The following ITCH variants were observed in gnomAD, a reference collection of about 807,000 sequenced individuals.
The protein encoded by ITCH is itchy E3 ubiquitin protein ligase.
In ITCH, 28 loss-of-function variants were observed where a neutral mutation model predicts 126.8. The observed-to-expected ratio is 0.22, with a 90% confidence interval of 0.16 to 0.30. The LOEUF is 0.30. ITCH is among the 10% of genes least tolerant of loss of function. The probability of loss-of-function intolerance (pLI) is 1.00; values close to 1 mark genes in which losing one functional copy is unlikely to be tolerated. For synonymous variants in ITCH, 342 were observed against 340.0 expected, an observed-to-expected ratio of 1.01 and a Z score of -0.06; for missense variants, 631 against 1,032.4, an observed-to-expected ratio of 0.61 and a Z score of 5.33.
intron 17 of ITCH, 87 bp from the exon 18 acceptor site, chr20:34,479,543 A>G (rs1040329028): frequency 1.1e-5 from 12 of 1,070,502 alleles, no homozygotes; most frequent in South Asian, 2.6e-5. Flanking sequence ...GCTGAGGGGT[A>G]TAGATCCCTG....
At chr20:34,454,201 G>A (rs1450498607) in intron 12 of ITCH, among the ~76,000 whole-genome samples, 3 of 148,740 alleles carry the variant, frequency 2.0e-5, no homozygotes, top group Admixed American at 1.3e-4. Context: ...GCAGTGGCGC[G>A]ATCTCGGCTC....
chr20:34,428,020 A>G (rs1409204153), intron 7 of ITCH, among the ~76,000 whole-genome samples: 4 of 152,200 alleles, frequency 2.6e-5, no homozygotes, highest in Non-Finnish European at 5.9e-5. Flanking sequence ...AATCATTGTC[A>G]TAAATAATTT....
At chr20:34,507,651 C>G (rs1195375992) in intron 24 of ITCH, 44 bp from the exon 25 acceptor site, 1 of 1,451,788 alleles carries the variant, frequency 6.9e-7, no homozygotes, top group Admixed American at 1.7e-5. Context: ...TCATTTGATT[C>G]TTTGCATATT....
intron 22 of ITCH, 66 bp from the exon 23 acceptor site, chr20:34,492,431 TTTTC>T: frequency 2.0e-6 from 2 of 1,010,150 alleles, no homozygotes; most frequent in Non-Finnish European, 1.5e-6. Flanking sequence ...AAATCATTAT[TTTTC>T]TTTCTTGTTT....
At chr20:34,436,059 C>T (rs1471403456) in intron 7 of ITCH, among the ~76,000 whole-genome samples, 1 of 152,120 alleles carries the variant, frequency 6.6e-6, no homozygotes, top group Non-Finnish European at 1.5e-5. Flanking sequence ...TAAGGGTGTA[C>T]AGCATTGATG....
intron 2 of ITCH, among the ~76,000 whole-genome samples, chr20:34,392,573 A>G (rs1043838986): frequency 2.0e-5 from 3 of 152,240 alleles, no homozygotes; most frequent in Non-Finnish European, 4.4e-5. Flanking sequence ...ACAGAAACCT[A>G]AATTTGCATA....
chr20:34,486,551 C>T (rs1989131457), intron 20 of ITCH, among the ~76,000 whole-genome samples: 1 of 152,008 alleles, frequency 6.6e-6, no homozygotes, highest in African/African-American at 2.4e-5. Flanking sequence ...GTCTTGAACT[C>T]TTGACCTCAG....
chr20:34,379,096 G>T (rs953734690), intron 2 of ITCH, among the ~76,000 whole-genome samples: 2 of 152,120 alleles, frequency 1.3e-5, no homozygotes, highest in Non-Finnish European at 2.9e-5. Flanking sequence ...TCGTTACCCA[G>T]AATGTTGCTT....
At chr20:34,464,305 TTTTTC>T (rs1986828153) in intron 14 of ITCH, among the ~76,000 whole-genome samples, 1 of 151,188 alleles carries the variant, frequency 6.6e-6, no homozygotes, top group Non-Finnish European at 1.5e-5. Flanking sequence ...TCTTTTTTTT[TTTTTC>T]TTTCTTTCTT....
intron 23 of ITCH, among the ~76,000 whole-genome samples, chr20:34,495,337 G>A (rs1475626941): frequency 1.4e-5 from 2 of 139,672 alleles, no homozygotes; most frequent in African/African-American, 2.6e-5. Flanking sequence ...ACACACACAC[G>A]GTAAATTGTT....
intron 2 of ITCH, among the ~76,000 whole-genome samples, chr20:34,389,795 C>T (rs2038418970): frequency 6.6e-6 from 1 of 151,662 alleles, no homozygotes; most frequent in Non-Finnish European, 1.5e-5. Flanking sequence ...AAGGGGTTAT[C>T]TATGTTACAG....
At chr20:34,455,465 G>T (rs1404489919) in intron 12 of ITCH, among the ~76,000 whole-genome samples, 1 of 151,240 alleles carries the variant, frequency 6.6e-6, no homozygotes, top group Non-Finnish European at 1.5e-5. Context: ...AAGAGAAAAT[G>T]ATATCCACAT....
intron 20 of ITCH, among the ~76,000 whole-genome samples, chr20:34,485,264 G>T (rs927763469): frequency 1.3e-5 from 2 of 152,120 alleles, no homozygotes; most frequent in African/African-American, 4.8e-5. Context: ...ACATTCTTGT[G>T]ATATCTTTTT....
intron 1 of ITCH, among the ~76,000 whole-genome samples, chr20:34,366,441 G>T (rs1182426960): frequency 6.6e-6 from 1 of 152,026 alleles, no homozygotes; most frequent in Non-Finnish European, 1.5e-5. Context: ...GCCCAGTCTG[G>T]TCTTAACTCC....
Position 34,470,123 on chromosome 20 carries a change from T to G in ITCH, c.1497+3T>G. 6.2e-7 allele frequency: 1 copy of G among 1,610,736 alleles called. No individual in the cohort carries two copies. The highest frequency in any genetic ancestry group is 1.3e-5 in the African/African-American group (1 of 74,850). On this transcript the variant is annotated splice_donor_region_variant and intron_variant, in intron 15 of 24. Coordinates refer to ENST00000374864, the MANE Select transcript of ITCH (RefSeq NM_031483.7). ...AGTATTTCCGGTTCTGGTGTCAGGTTAGTATTGGAACTGTATCTCTGTACT... is the reference window on the plus strand; with the variant it reads ...AGTATTTCCGGTTCTGGTGTCAGGTGAGTATTGGAACTGTATCTCTGTACT...
rs182795249 is a variant in ITCH at position 34,399,900 on chromosome 20, C to T, written c.70+6019C>T. Among the ~76,000 whole-genome samples the T allele has an allele frequency of 1.8e-4, 28 of 151,870 alleles. 1 individual carries two copies. The South Asian group carries it at 5.4e-3, about 29-fold the overall frequency. On this transcript the variant is annotated intron_variant, in intron 3 of 24. Coordinates refer to ENST00000374864, the MANE Select transcript of ITCH (RefSeq NM_031483.7). Reference sequence around the variant, plus strand: ...CCTCTATAGTGGCTGGGACTACAGGCGTGTACCACCCACCACACTTGACTA... The same window carrying T: ...CCTCTATAGTGGCTGGGACTACAGGTGTGTACCACCCACCACACTTGACTA...
At chr20:34,478,863 C>T (rs1157370185) in intron 17 of ITCH, among the ~76,000 whole-genome samples, 3 of 152,060 alleles carry the variant, frequency 2.0e-5, no homozygotes, top group African/African-American at 7.2e-5. Context: ...AGCAATCATT[C>T]ATTCCTAATA....
At chr20:34,460,606 T>C (rs1430265775) in intron 13 of ITCH, among the ~76,000 whole-genome samples, 1 of 152,168 alleles carries the variant, frequency 6.6e-6, no homozygotes, top group Admixed American at 6.6e-5. Flanking sequence ...TAGACATTGT[T>C]GTCTCTGTTT....
intron 16 of ITCH, chr20:34,476,334 C>G: frequency 7.9e-7 from 1 of 1,261,032 alleles, no homozygotes; most frequent in South Asian, 1.3e-5. Flanking sequence ...GGCTCGCCTC[C>G]GCGCTCCGGC....
Sources: gnomAD v4.1 joint callset for allele counts (sites outside exome capture counted in the v4.1 genomes callset) on GRCh38, gnomAD v4.1.1 for gene constraint, MANE v1.5 for transcripts, NCBI Gene and HGNC (gene_info 2026-07-23, HGNC 2026-07-21) for gene names.